Variants in DACH2 observed in about 807,000 individuals in gnomAD.
DACH2 encodes dachshund homolog 2.
A neutral mutation model predicts 35.8 loss-of-function variants in DACH2; 17 were observed. The ratio of observed to expected loss-of-function variants is 0.48; its 90% CI spans 0.33 to 0.71. The LOEUF (loss-of-function observed/expected upper bound fraction) is 0.71, where lower values mean the gene tolerates loss of function less well. Among genes scored for constraint, DACH2 ranks in the 30% least tolerant of loss-of-function variants. The pLI is 0.02. For missense variants in DACH2, 469 were observed against 472.7 expected, an observed-to-expected ratio of 0.99 and a Z score of 0.07; for synonymous variants, 195 against 177.3, an observed-to-expected ratio of 1.10 and a Z score of -0.79.
intron 7 of DACH2, among the ~76,000 whole-genome samples, chrX:86,742,925 G>A (rs979473304): frequency 1.3e-4 from 14 of 110,711 alleles, no homozygotes; most frequent in Admixed American, 1.1e-3. Context: ...TTACATATCC[G>A]CCTGAAATTT....
At chrX:86,289,783 G>T (rs2034236612) in intron 1 of DACH2, among the ~76,000 whole-genome samples, 1 of 109,256 alleles carries the variant, frequency 9.2e-6, no homozygotes, top group Admixed American at 9.8e-5. Context: ...AGTATCCCAT[G>T]GTGTATATGT....
intron 3 of DACH2, among the ~76,000 whole-genome samples, chrX:86,607,368 T>A (rs1203242303): frequency 9.0e-6 from 1 of 111,256 alleles, no homozygotes; most frequent in African/African-American, 3.3e-5. Flanking sequence ...TATTTTTTGG[T>A]TTGAGTTTAC....
intron 6 of DACH2, among the ~76,000 whole-genome samples, chrX:86,735,970 A>T (rs1451707652): frequency 2.7e-5 from 3 of 111,528 alleles, no homozygotes. Flanking sequence ...CTTGCTGTGA[A>T]ATTTTAACTA....
chrX:86,507,122 T>C (rs139995104), intron 2 of DACH2, among the ~76,000 whole-genome samples: 1 of 111,773 alleles, frequency 8.9e-6, no homozygotes, highest in Non-Finnish European at 1.9e-5. Context: ...CCAGACTGTA[T>C]CACTATCCAT....
chrX:86,498,045 T>C (rs1206946784), intron 2 of DACH2, among the ~76,000 whole-genome samples: 1 of 111,153 alleles, frequency 9.0e-6, no homozygotes, highest in Non-Finnish European at 1.9e-5. Context: ...CAGTGGGGAC[T>C]GAAGGAGAAG....
chrX:86,795,191 GA>G (rs2042222793), intron 7 of DACH2, among the ~76,000 whole-genome samples: 1 of 108,587 alleles, frequency 9.2e-6, no homozygotes, highest in East Asian at 2.9e-4. Context: ...ATCGCTAAGT[GA>G]AGTGAGTAGA....
intron 4 of DACH2, among the ~76,000 whole-genome samples, chrX:86,666,125 TG>T (rs1234071786): frequency 2.7e-5 from 3 of 111,647 alleles, no homozygotes; most frequent in Non-Finnish European, 5.6e-5. Flanking sequence ...GTCTGAGGTC[TG>T]GATTGTCATT....
intron 2 of DACH2, among the ~76,000 whole-genome samples, chrX:86,424,555 T>A (rs1274818345): frequency 8.9e-6 from 1 of 111,882 alleles, no homozygotes; most frequent in African/African-American, 3.2e-5. Context: ...CTGAATTTTT[T>A]AAATCAGTTC....
intron 3 of DACH2, among the ~76,000 whole-genome samples, chrX:86,581,261 A>T (rs2039497030): frequency 8.9e-6 from 1 of 111,800 alleles, no homozygotes; most frequent in Admixed American, 9.5e-5. Flanking sequence ...ACTACCAACC[A>T]CCTCAAAAAC....
At chrX:86,598,618 C>T in intron 3 of DACH2, among the ~76,000 whole-genome samples, 1 of 110,635 alleles carries the variant, frequency 9.0e-6, no homozygotes, top group Non-Finnish European at 1.9e-5. Flanking sequence ...GGTTAACAAG[C>T]TGGTCTGTGG....
At chrX:86,237,263 A>T (rs2033074604) in intron 1 of DACH2, among the ~76,000 whole-genome samples, 1 of 111,647 alleles carries the variant, frequency 9.0e-6, no homozygotes, top group African/African-American at 3.3e-5. Context: ...GTTTTACATT[A>T]ACTTTTTTTT....
At chrX:86,184,700 A>G (rs1358405506) in intron 1 of DACH2, among the ~76,000 whole-genome samples, 1 of 111,687 alleles carries the variant, frequency 9.0e-6, no homozygotes, top group Admixed American at 9.6e-5. Context: ...ATTTTAAAAG[A>G]TCTGTGTTAA....
intron 1 of DACH2, among the ~76,000 whole-genome samples, chrX:86,304,005 C>A (rs1358038832): frequency 1.8e-5 from 2 of 111,442 alleles, no homozygotes; most frequent in Admixed American, 1.9e-4. Context: ...GTAACCAAAA[C>A]AGCATGCCAT....
intron 4 of DACH2, among the ~76,000 whole-genome samples, chrX:86,680,115 C>T (rs180790906): frequency 6.3e-5 from 7 of 111,880 alleles, no homozygotes; most frequent in African/African-American, 2.3e-4. Flanking sequence ...AAGATCCAGA[C>T]ATCTCAAATT....
chrX:86,832,307 G>C lies in DACH2; in HGVS notation c.*152G>C. Reference sequence around the variant, plus strand: ...ATCTATGTTACATTAAAAAAGAAACGCGTGTACATTTTAAAAGCAATGATG... The same window carrying C: ...ATCTATGTTACATTAAAAAAGAAACCCGTGTACATTTTAAAAGCAATGATG... On this transcript the variant is annotated 3_prime_UTR_variant, in exon 12 of 12. Transcript: ENST00000373125. 2.2e-6 allele frequency: 1 copy of C among 461,399 alleles called. No homozygotes were observed. Among genetic ancestry groups the C allele is most frequent in the East Asian group, 3.9e-5 (1 of 25,476 alleles). 38.0% of individuals were successfully genotyped at this position (461,399 alleles called of 1,213,427 possible).
intron 3 of DACH2, among the ~76,000 whole-genome samples, chrX:86,591,153 C>T (rs1408299448): frequency 9.0e-6 from 1 of 111,600 alleles, no homozygotes; most frequent in Non-Finnish European, 1.9e-5. Flanking sequence ...CATGTGAACT[C>T]GTCATTTTTT....
intron 2 of DACH2, among the ~76,000 whole-genome samples, chrX:86,459,839 G>A (rs1170851116): frequency 1.9e-5 from 2 of 104,238 alleles, no homozygotes; most frequent in Non-Finnish European, 3.9e-5. Context: ...TAAAACAAAT[G>A]CCATTAATGG....
chrX:86,734,664 T>A (rs892270297), intron 6 of DACH2, among the ~76,000 whole-genome samples: 1 of 111,603 alleles, frequency 9.0e-6, no homozygotes, highest in African/African-American at 3.3e-5. Flanking sequence ...AATGCTTGAA[T>A]TGGTTCATAA....
At chrX:86,152,979 G>A (rs1177895784) in intron 1 of DACH2, among the ~76,000 whole-genome samples, 1 of 111,414 alleles carries the variant, frequency 9.0e-6, no homozygotes, top group Non-Finnish European at 1.9e-5. Flanking sequence ...CAGTAAAATA[G>A]TAAATTAAAA....
Sources: allele counts gnomAD v4.1 joint callset (sites outside exome capture counted in the v4.1 genomes callset), GRCh38; gene constraint gnomAD v4.1.1; transcripts MANE v1.5; gene names NCBI Gene and HGNC (gene_info 2026-07-23, HGNC 2026-07-21).